Variants in SGCZ observed in about 807,000 individuals in gnomAD.
The protein encoded by SGCZ is sarcoglycan zeta.
A neutral mutation model predicts 41.3 loss-of-function variants in SGCZ; 40 were observed. The observed-to-expected ratio is 0.97, with a 90% CI of 0.75 to 1.26. SGCZ has a LOEUF of 1.26. Ranked by LOEUF, SGCZ falls within the 50% of genes most tolerant of loss-of-function variation. The pLI is 0.00. For synonymous variants in SGCZ, 206 were observed against 137.5 expected (o/e 1.50, Z -3.49); for missense variants, 552 against 369.8 (o/e 1.49, Z -4.04).
At chr8:14,278,736 T>G (rs1800318397) in intron 3 of SGCZ, among the ~76,000 whole-genome samples, 1 of 152,108 alleles carries the variant, frequency 6.6e-6, no homozygotes, top group Non-Finnish European at 1.5e-5. Flanking sequence ...TACCAAACAC[T>G]TAGGTTAATA....
At chr8:14,245,057 C>A (rs896170351) in intron 3 of SGCZ, among the ~76,000 whole-genome samples, 1 of 152,292 alleles carries the variant, frequency 6.6e-6, no homozygotes, top group East Asian at 1.9e-4. Flanking sequence ...AATTTGACTT[C>A]CTCTTTTCCT....
chr8:14,615,020 A>G (rs1366579657), intron 1 of SGCZ, among the ~76,000 whole-genome samples: 1 of 152,106 alleles, frequency 6.6e-6, no homozygotes, highest in African/African-American at 2.4e-5. Context: ...GTGTATATAT[A>G]TATATGAAAG....
intron 3 of SGCZ, among the ~76,000 whole-genome samples, chr8:14,268,765 T>C (rs1414223269): frequency 6.6e-6 from 1 of 151,954 alleles, no homozygotes; most frequent in East Asian, 1.9e-4. Context: ...TCATTACTTT[T>C]GTATTGCTCA....
intron 1 of SGCZ, among the ~76,000 whole-genome samples, chr8:14,841,111 C>CA (rs138084107): frequency 0.11 from 15,739 of 146,924 alleles, 869 homozygotes; most frequent in African/African-American, 0.13. Context: ...TTGAGAAGAA[C>CA]AAAAAAAAAA....
intron 1 of SGCZ, among the ~76,000 whole-genome samples, chr8:14,896,052 G>C (rs182075975): frequency 6.6e-6 from 1 of 152,252 alleles, no homozygotes; most frequent in African/African-American, 2.4e-5. Flanking sequence ...GCCCATGCTT[G>C]CTAACAATAT....
chr8:14,874,361 A>C (rs1387372969), intron 1 of SGCZ, among the ~76,000 whole-genome samples: 1 of 152,142 alleles, frequency 6.6e-6, no homozygotes, highest in Non-Finnish European at 1.5e-5. Context: ...GACTTGGCTC[A>C]TAATTTTTCC....
chr8:14,556,613 C>G (rs1804042960), intron 1 of SGCZ, among the ~76,000 whole-genome samples: 1 of 151,962 alleles, frequency 6.6e-6, no homozygotes. Context: ...CCTGAGTGCC[C>G]AAAGTCCATT....
intron 1 of SGCZ, among the ~76,000 whole-genome samples, chr8:14,930,804 G>A (rs1192408722): frequency 2.0e-5 from 3 of 151,860 alleles, no homozygotes; most frequent in African/African-American, 4.9e-5. Flanking sequence ...ACAGGGAGGG[G>A]AACATCACAC....
chr8:14,781,829 T>C (rs1055984676), intron 1 of SGCZ, among the ~76,000 whole-genome samples: 2 of 152,188 alleles, frequency 1.3e-5, no homozygotes, highest in African/African-American at 4.8e-5. Flanking sequence ...GCAAAATCAT[T>C]GAACAAAAGG....
chr8:14,741,663 T>C (rs987002705), intron 1 of SGCZ, among the ~76,000 whole-genome samples: 1 of 152,116 alleles, frequency 6.6e-6, no homozygotes, highest in Non-Finnish European at 1.5e-5. Flanking sequence ...TAAACCATAC[T>C]AGCACAATTA....
chr8:14,266,519 G>A lies in SGCZ; in HGVS notation c.337-28840C>T, dbSNP rs536519177. On this transcript the variant is annotated intron_variant, in intron 3 of 7. Transcript: ENST00000382080. ...GGACCCAAGAAGAAATGCAGGACAT[G>A]TCTGCACTAGGAACAGATTAAATGG... Among the ~76,000 whole-genome samples the A allele has an allele frequency of 1.4e-3, 220 of 152,240 alleles. 4 individuals are homozygous for A. The highest frequency in any genetic ancestry group is 3.8e-4 in the Non-Finnish European group (26 of 67,966).
At chr8:14,485,833 A>ATTTTTT (rs71209049) in intron 2 of SGCZ, among the ~76,000 whole-genome samples, 33,763 of 101,620 alleles carry the variant, frequency 0.33, 7,054 homozygotes, top group East Asian at 0.52. Flanking sequence ...CTCTAGAACA[A>ATTTTTT]TTTTTTTTTT....
chr8:15,237,478 C>G (rs1802172822), intron 1 of SGCZ, 107 bp downstream of exon 1: 24 of 1,368,252 alleles, frequency 1.8e-5, no homozygotes, highest in Middle Eastern at 2.4e-4. Context: ...CTCGTCGTCC[C>G]GCGGGACCAC....
At chr8:14,847,185 A>AGAAGAAGAAGAAGAAGAAGAG (rs1303419499) in intron 1 of SGCZ, among the ~76,000 whole-genome samples, 1 of 148,390 alleles carries the variant, frequency 6.7e-6, no homozygotes, top group Non-Finnish European at 1.5e-5. Context: ...AAGAAGAAGA[A>AGAAGAAGAAGAAGAAGAAGAG]GAGAAAAATA....
At chr8:14,410,153 C>T (rs1456658366) in intron 2 of SGCZ, among the ~76,000 whole-genome samples, 13 of 152,104 alleles carry the variant, frequency 8.5e-5, no homozygotes, top group African/African-American at 3.1e-4. Flanking sequence ...AGATTGTGTG[C>T]TCCTTATGAT....
chr8:15,169,350 C>T (rs1376363661), intron 1 of SGCZ, among the ~76,000 whole-genome samples: 2 of 152,156 alleles, frequency 1.3e-5, no homozygotes, highest in East Asian at 1.9e-4. Context: ...AGGACGTTTG[C>T]AGGGGGAGGA....
chr8:14,668,856 T>A (rs546370648), intron 1 of SGCZ, among the ~76,000 whole-genome samples: 3 of 152,178 alleles, frequency 2.0e-5, no homozygotes, highest in Non-Finnish European at 4.4e-5. Context: ...GATATCCTTA[T>A]ACATGGTGAA....
intron 1 of SGCZ, among the ~76,000 whole-genome samples, chr8:14,630,005 G>C (rs1806592228): frequency 1.3e-5 from 2 of 151,974 alleles, no homozygotes; most frequent in African/African-American, 4.8e-5. Flanking sequence ...TTGTGTGCTA[G>C]GTCAAATACT....
chr8:15,215,277 A>G lies in SGCZ; in HGVS notation c.39+22308T>C, dbSNP rs540182403. On this transcript the variant is annotated intron_variant, in intron 1 of 7. Transcript: ENST00000382080. ...CTTTATGAATATTTCACTTTATTAA[A>G]GTAGTTCTAGTAGGGTGCCTCTAAA... Among the ~76,000 whole-genome samples the G allele has an allele frequency of 1.4e-4, 22 of 152,332 alleles. No homozygotes were observed. In the South Asian group the frequency reaches 4.1e-3, roughly 29 times the overall value.
Sources: allele counts gnomAD v4.1 joint callset (sites outside exome capture counted in the v4.1 genomes callset), GRCh38; gene constraint gnomAD v4.1.1; transcripts MANE v1.5; gene names NCBI Gene and HGNC (gene_info 2026-07-23, HGNC 2026-07-21).